Variants in OPCML observed in about 807,000 individuals in gnomAD.
OPCML encodes the protein opioid-binding protein/cell adhesion molecule.
In OPCML, 13 loss-of-function variants were observed where a neutral mutation model predicts 37.8. The observed-to-expected ratio is 0.34, with a 90% CI of 0.22 to 0.55. The LOEUF (loss-of-function observed/expected upper bound fraction) is 0.55, where lower values mean the gene tolerates loss of function less well. Ranked by LOEUF, OPCML falls within the 20% of genes least tolerant of loss-of-function variation. The probability of loss-of-function intolerance (pLI) is 0.91; values close to 1 mark genes in which losing one functional copy is unlikely to be tolerated. For missense variants in OPCML, 341 were observed against 435.6 expected, an observed-to-expected ratio of 0.78 and a Z score of 1.93; for synonymous variants, 176 against 168.8, an observed-to-expected ratio of 1.04 and a Z score of -0.33.
chr11:132,585,972 T>C lies in OPCML; in HGVS notation c.380-56786A>G, dbSNP rs190042466. On this transcript the variant is annotated intron_variant, in intron 3 of 7. Coordinates refer to ENST00000524381, the MANE Select transcript of OPCML (RefSeq NM_001012393.5). ...GTTGGATGCAGAATCTGAATTGACA[T>C]TGTTACTCAGGATCCAAAGCATCAT... 5.2e-4 allele frequency among the ~76,000 whole-genome samples: 79 copies of C among 152,252 alleles called. 1 individual carries two copies. Among genetic ancestry groups the C allele is most frequent in the African/African-American group, 1.8e-3 (75 of 41,554 alleles).
chr11:133,385,194 G>A (rs560883253), intron 1 of OPCML, among the ~76,000 whole-genome samples: 63 of 152,326 alleles, frequency 4.1e-4, no homozygotes, highest in African/African-American at 1.5e-3. Context: ...GCTGAGGGCT[G>A]GAGCTGTGGC....
chr11:133,418,649 T>C (rs1183030452), intron 1 of OPCML: 4 of 174,266 alleles, frequency 2.3e-5, no homozygotes, highest in Non-Finnish European at 4.5e-5. Flanking sequence ...CTTAAACTCC[T>C]TAAAGTAAGG....
At chr11:133,482,920 T>C (rs1297410540) in intron 1 of OPCML, among the ~76,000 whole-genome samples, 4 of 152,100 alleles carry the variant, frequency 2.6e-5, no homozygotes, top group Non-Finnish European at 2.9e-5. Context: ...ATACATTTGA[T>C]CACATTGAAA....
At chr11:132,629,736 G>A (rs1227715544) in intron 3 of OPCML, among the ~76,000 whole-genome samples, 1 of 152,014 alleles carries the variant, frequency 6.6e-6, no homozygotes, top group Non-Finnish European at 1.5e-5. Flanking sequence ...TTTGTGGAAG[G>A]TTGTTCTACT....
chr11:133,326,783 T>C (rs1943474742), intron 1 of OPCML, among the ~76,000 whole-genome samples: 1 of 125,420 alleles, frequency 8.0e-6, no homozygotes, highest in Non-Finnish European at 1.7e-5. Context: ...AGTGTGTGGA[T>C]GTGGATGTGG....
At chr11:132,808,713 T>C (rs536740503) in intron 2 of OPCML, among the ~76,000 whole-genome samples, 1 of 152,306 alleles carries the variant, frequency 6.6e-6, no homozygotes, top group South Asian at 2.1e-4. Context: ...TTGAAGCAAT[T>C]TGGGATTGTA....
At chr11:132,857,946 G>GT (rs1358833460) in intron 2 of OPCML, among the ~76,000 whole-genome samples, 1 of 152,100 alleles carries the variant, frequency 6.6e-6, no homozygotes, top group East Asian at 1.9e-4. Context: ...GGGGAGACAG[G>GT]TGTGGGTGAG....
chr11:132,954,286 G>A (rs4567476), intron 1 of OPCML, among the ~76,000 whole-genome samples: 76,794 of 151,792 alleles, frequency 0.51, 19,646 homozygotes, highest in East Asian at 0.72. Flanking sequence ...AATAAATCAG[G>A]TGTCATAGTA....
intron 3 of OPCML, among the ~76,000 whole-genome samples, chr11:132,612,889 G>T (rs766526425): frequency 1.3e-5 from 2 of 152,130 alleles, no homozygotes; most frequent in Non-Finnish European, 2.9e-5. Context: ...AGCCATAAAT[G>T]CTCCATAAGT....
intron 1 of OPCML, among the ~76,000 whole-genome samples, chr11:133,481,270 G>C (rs763286426): frequency 6.6e-6 from 1 of 151,968 alleles, no homozygotes; most frequent in Non-Finnish European, 1.5e-5. Context: ...TATAACATTA[G>C]AGCTTAAAAG....
intron 2 of OPCML, among the ~76,000 whole-genome samples, chr11:132,845,124 A>G (rs1388150551): frequency 6.6e-6 from 1 of 152,130 alleles, no homozygotes; most frequent in Non-Finnish European, 1.5e-5. Context: ...GGAAGCCACA[A>G]GCAGATCACT....
intron 1 of OPCML, among the ~76,000 whole-genome samples, chr11:133,453,033 T>TG (rs1339768905): frequency 1.3e-5 from 2 of 152,216 alleles, no homozygotes; most frequent in Non-Finnish European, 2.9e-5. Flanking sequence ...AACTTTTTAC[T>TG]GTGCCACATA....
intron 1 of OPCML, among the ~76,000 whole-genome samples, chr11:133,034,308 G>GGTGTGTGTGTGT (rs71038514): frequency 0.084 from 11,994 of 143,296 alleles, 592 homozygotes; most frequent in African/African-American, 0.13. Context: ...TGTATGTATA[G>GGTGTGTGTGTGT]GTGTGTGTGT....
intron 1 of OPCML, among the ~76,000 whole-genome samples, chr11:133,129,835 G>T (rs1949576468): frequency 6.6e-6 from 1 of 152,088 alleles, no homozygotes; most frequent in South Asian, 2.1e-4. Context: ...TTGAACACAG[G>T]AGTTTGAGGC....
chr11:132,877,830 TA>T (rs1424324101), intron 2 of OPCML, among the ~76,000 whole-genome samples: 1 of 152,248 alleles, frequency 6.6e-6, no homozygotes, highest in Non-Finnish European at 1.5e-5. Context: ...TAGAGCAACG[TA>T]AATTACTATT....
At chr11:133,220,922 G>A (rs758307755) in intron 1 of OPCML, among the ~76,000 whole-genome samples, 21 of 152,164 alleles carry the variant, frequency 1.4e-4, no homozygotes, top group Admixed American at 3.3e-4. Context: ...TCAGTGGTGC[G>A]TCACTGACTC....
chr11:133,343,192 G>A (rs1465920070), intron 1 of OPCML, among the ~76,000 whole-genome samples: 1 of 151,954 alleles, frequency 6.6e-6, no homozygotes, highest in Non-Finnish European at 1.5e-5. Flanking sequence ...CTCCAGCAAG[G>A]TTCAGGATGG....
intron 1 of OPCML, among the ~76,000 whole-genome samples, chr11:132,990,098 G>A (rs1946749229): frequency 6.6e-6 from 1 of 152,168 alleles, no homozygotes; most frequent in African/African-American, 2.4e-5. Context: ...GGAAAGCTTG[G>A]TTCAGACAGC....
At chr11:132,754,411 C>G (rs1439492957) in intron 2 of OPCML, among the ~76,000 whole-genome samples, 2 of 152,226 alleles carry the variant, frequency 1.3e-5, no homozygotes, top group East Asian at 3.9e-4. Context: ...CTCTCTCTCT[C>G]TTTGCTTGCT....
Sources: allele counts gnomAD v4.1 joint callset (sites outside exome capture counted in the v4.1 genomes callset), GRCh38; gene constraint gnomAD v4.1.1; transcripts MANE v1.5; gene names NCBI Gene and HGNC (gene_info 2026-07-23, HGNC 2026-07-21).